Variants in RGS9 observed in about 807,000 individuals in gnomAD.
RGS9 encodes the protein regulator of G-protein signalling 9.
In RGS9, 78 loss-of-function variants were observed where a neutral mutation model predicts 102.0. The ratio of observed to expected loss-of-function variants is 0.76; its 90% confidence interval spans 0.64 to 0.92. RGS9 has a LOEUF of 0.92. RGS9 is among the 40% of genes least tolerant of loss of function. RGS9 has a pLI of 0.00. For synonymous variants in RGS9, 353 were observed against 318.6 expected (o/e 1.11, Z -1.15); for missense variants, 833 against 866.1 (o/e 0.96, Z 0.48).
intron 9 of RGS9, among the ~76,000 whole-genome samples, chr17:65,188,231 G>T (rs10514868): frequency 0.043 from 6,550 of 152,212 alleles, 235 homozygotes; most frequent in African/African-American, 0.084. Flanking sequence ...TGGTTTCCAG[G>T]AGCTTCTAAG....
chr17:65,213,734 G>A (rs1426618307), intron 17 of RGS9, among the ~76,000 whole-genome samples: 2 of 152,118 alleles, frequency 1.3e-5, no homozygotes, highest in Non-Finnish European at 2.9e-5. Flanking sequence ...TCTGTGTCAG[G>A]CTCATACGGG....
intron 7 of RGS9, among the ~76,000 whole-genome samples, chr17:65,165,056 C>T (rs1367499560): frequency 6.6e-6 from 1 of 152,162 alleles, no homozygotes; most frequent in African/African-American, 2.4e-5. Flanking sequence ...CAGCACTGGG[C>T]TGGGCTCCAG....
chr17:65,160,975 C>T (rs1334111686), intron 6 of RGS9, 66 bp downstream of exon 6: 1 of 1,325,372 alleles, frequency 7.5e-7, no homozygotes, highest in African/African-American at 1.4e-5. Context: ...GCTGTACTTT[C>T]CTCATTCCCA....
rs201026246 is a variant in RGS9, at chr17:65,225,252, T to C, written c.1658T>C (p.Val553Ala). 208 of 1,609,514 alleles carry C rather than the reference T, an allele frequency of 1.3e-4. No individual in the cohort carries two copies. The African/African-American group carries it at 2.5e-3, about 20-fold the overall frequency. Reference sequence around the variant, plus strand: ...TCCATGGCCCCCCGTGGGCCCTCTGTCACCGAGAGCAGCGAGGCCTCCCTC... The same window carrying C: ...TCCATGGCCCCCCGTGGGCCCTCTGCCACCGAGAGCAGCGAGGCCTCCCTC... ...SGSMAPRGPS[V>A]TESSEASLDT... Residue 553 changes from valine (V) to alanine (A), a missense_variant, in exon 18 of 19, where the codon GTC (valine) becomes GCC (alanine). Around this residue, in one of 3 missense-constraint regions of RGS9, gnomAD observed 320 missense variants for 276.8 expected, o/e 1.16. Transcript: ENST00000262406.
intron 17 of RGS9, among the ~76,000 whole-genome samples, chr17:65,214,341 G>A (rs1913412572): frequency 6.6e-6 from 1 of 152,216 alleles, no homozygotes; most frequent in Non-Finnish European, 1.5e-5. Context: ...GAACAAAATG[G>A]TCTCTGCCCT....
chr17:65,200,255 C>T (rs944719623), intron 13 of RGS9, among the ~76,000 whole-genome samples: 2 of 152,256 alleles, frequency 1.3e-5, no homozygotes, highest in African/African-American at 4.8e-5. Context: ...TGGTCTCGAA[C>T]TCCTGACCTT....
At chr17:65,188,894 C>G (rs888013209) in intron 9 of RGS9, 2 of 253,516 alleles carry the variant, frequency 7.9e-6, no homozygotes, top group Admixed American at 5.1e-5. Flanking sequence ...GGATTACAGG[C>G]TTGAGCCACC....
At chr17:65,167,550 G>A (rs1598578999) in intron 7 of RGS9, among the ~76,000 whole-genome samples, 2 of 152,110 alleles carry the variant, frequency 1.3e-5, no homozygotes, top group Admixed American at 6.5e-5. Context: ...AAGCCCCGAC[G>A]TGGCATGAAC....
intron 1 of RGS9, among the ~76,000 whole-genome samples, chr17:65,146,727 T>C (rs1049878451): frequency 6.6e-6 from 1 of 151,624 alleles, no homozygotes; most frequent in Non-Finnish European, 1.5e-5. Flanking sequence ...AAACCTCATC[T>C]CTACTAAAAT....
chr17:65,142,860 G>A (rs1291565826), intron 1 of RGS9, among the ~76,000 whole-genome samples: 1 of 152,068 alleles, frequency 6.6e-6, no homozygotes, highest in Non-Finnish European at 1.5e-5. Flanking sequence ...GGGATTGCAG[G>A]TGTAAACCAC....
chr17:65,176,884 G>GTCCATCCATCCATCCA (rs113366621), intron 8 of RGS9, among the ~76,000 whole-genome samples: 1 of 147,402 alleles, frequency 6.8e-6, no homozygotes, highest in African/African-American at 2.5e-5. Context: ...CCATTCATCT[G>GTCCATCCATCCATCCA]TCCATCCATC....
intron 9 of RGS9, among the ~76,000 whole-genome samples, chr17:65,182,957 CTCTACT>C (rs1911942840): frequency 6.6e-6 from 1 of 152,176 alleles, no homozygotes; most frequent in African/African-American, 2.4e-5. Flanking sequence ...GCAATTCTAC[CTCTACT>C]TGATGAGGTC....
chr17:65,179,683 T>TGTGTGTGTGTGTGTG (rs1911785162), intron 9 of RGS9, among the ~76,000 whole-genome samples: 1 of 90,640 alleles, frequency 1.1e-5, no homozygotes, highest in African/African-American at 5.3e-5. Context: ...GTGTGTGTGT[T>TGTGTGTGTGTGTGTG]GGGGGTGGTT....
At chr17:65,138,163 G>T (rs1275874880) in intron 1 of RGS9, among the ~76,000 whole-genome samples, 1 of 152,200 alleles carries the variant, frequency 6.6e-6, no homozygotes, top group Admixed American at 6.5e-5. Context: ...CCCAGACAAA[G>T]TGACCGGGCA....
At chr17:65,199,203 G>A (rs1338777390) in intron 13 of RGS9, among the ~76,000 whole-genome samples, 1 of 151,982 alleles carries the variant, frequency 6.6e-6, no homozygotes, top group Non-Finnish European at 1.5e-5. Flanking sequence ...ACAATTCAGG[G>A]GTTTTAGTGT....
At chr17:65,138,105 C>A (rs1423005849) in intron 1 of RGS9, among the ~76,000 whole-genome samples, 1 of 152,208 alleles carries the variant, frequency 6.6e-6, no homozygotes, top group Non-Finnish European at 1.5e-5. Context: ...CTGCTGTCTG[C>A]GCTGGCGGCA....
intron 8 of RGS9, among the ~76,000 whole-genome samples, chr17:65,176,517 G>A (rs1911629089): frequency 1.3e-5 from 2 of 152,194 alleles, no homozygotes. Context: ...TGCCTGACAA[G>A]CCTGGACTTT....
intron 8 of RGS9, among the ~76,000 whole-genome samples, chr17:65,174,165 C>CT (rs1382710609): frequency 6.6e-6 from 1 of 152,232 alleles, no homozygotes; most frequent in African/African-American, 2.4e-5. Flanking sequence ...ATAGAGGACT[C>CT]TATCTCAGTT....
chr17:65,224,899 C>A, intron 17 of RGS9, 103 bp from the exon 18 acceptor site: 1 of 1,513,082 alleles, frequency 6.6e-7, no homozygotes, highest in Non-Finnish European at 9.1e-7. Context: ...GGCCCGCACT[C>A]TTGTCGCTGG....
Sources: gnomAD v4.1 joint callset for allele counts (sites outside exome capture counted in the v4.1 genomes callset) on GRCh38, gnomAD v4.1.1 for gene constraint, gnomAD v4.1.1 regional missense constraint, MANE v1.5 for transcripts, NCBI Gene and HGNC (gene_info 2026-07-23, HGNC 2026-07-21) for gene names.